Variants in MED13L observed in about 807,000 individuals in gnomAD.
MED13L encodes the protein mediator of RNA polymerase II transcription subunit 13-like.
In MED13L, 7 loss-of-function variants were observed where a neutral mutation model predicts 220.9. The ratio of observed to expected loss-of-function variants is 0.03; its 90% CI spans 0.02 to 0.06. MED13L has a LOEUF of 0.06. Ranked by LOEUF, MED13L falls within the 10% of genes least tolerant of loss-of-function variation. The pLI is 1.00. For synonymous variants in MED13L, 1,011 were observed against 1,015.2 expected (o/e 1.00, Z 0.08); for missense variants, 1,965 against 2,760.5 (o/e 0.71, Z 6.46).
chr12:116,161,582 T>G (rs1878857892), intron 2 of MED13L, among the ~76,000 whole-genome samples: 1 of 152,012 alleles, frequency 6.6e-6, no homozygotes, highest in South Asian at 2.1e-4. Context: ...ACAAGGCCTC[T>G]CCCCGTCAAA....
chr12:116,155,491 G>T (rs1878358736), intron 2 of MED13L, among the ~76,000 whole-genome samples: 2 of 152,120 alleles, frequency 1.3e-5, no homozygotes, highest in South Asian at 4.1e-4. Context: ...TCAATTAAAT[G>T]TAACGATGAA....
chr12:116,152,946 A>AG (rs1878161550), intron 2 of MED13L, among the ~76,000 whole-genome samples: 1 of 151,994 alleles, frequency 6.6e-6, no homozygotes, highest in Admixed American at 6.6e-5. Context: ...TAAAAAGAGC[A>AG]GGAAAAAAAA....
At chr12:116,262,697 A>G (rs1372651766) in intron 1 of MED13L, among the ~76,000 whole-genome samples, 1 of 152,180 alleles carries the variant, frequency 6.6e-6, no homozygotes, top group African/African-American at 2.4e-5. Flanking sequence ...AATTTATACA[A>G]TTTACTAAAG....
chr12:116,248,336 GCAA>G (rs1217597169), intron 1 of MED13L, among the ~76,000 whole-genome samples: 6 of 152,082 alleles, frequency 3.9e-5, no homozygotes, highest in Admixed American at 1.3e-4. Context: ...GATGATTAAA[GCAA>G]CAACAACAGT....
chr12:116,009,506 C>T (rs1055681032), intron 9 of MED13L, among the ~76,000 whole-genome samples: 3 of 152,072 alleles, frequency 2.0e-5, no homozygotes, highest in African/African-American at 7.2e-5. Flanking sequence ...AACAAAGCTT[C>T]CAATTTCTAT....
At chr12:116,023,642 C>CAT (rs1231819766) in intron 4 of MED13L, among the ~76,000 whole-genome samples, 1 of 152,050 alleles carries the variant, frequency 6.6e-6, no homozygotes, top group East Asian at 1.9e-4. Context: ...CATAGTGACA[C>CAT]ATATATATTC....
chr12:115,967,241 A>G (rs1876244835), intron 28 of MED13L, among the ~76,000 whole-genome samples: 1 of 151,752 alleles, frequency 6.6e-6, no homozygotes, highest in Non-Finnish European at 1.5e-5. Context: ...ACTACATCAA[A>G]CTGTATCAAT....
chr12:116,151,842 A>G (rs1878064519), intron 2 of MED13L, among the ~76,000 whole-genome samples: 1 of 152,184 alleles, frequency 6.6e-6, no homozygotes, highest in Non-Finnish European at 1.5e-5. Context: ...AAGGACATTC[A>G]GAGACATCGA....
chr12:116,087,581 A>G (rs1326032869), intron 4 of MED13L, among the ~76,000 whole-genome samples: 1 of 152,170 alleles, frequency 6.6e-6, no homozygotes, highest in Non-Finnish European at 1.5e-5. Context: ...AAAGGACCCC[A>G]TTTACTAACA....
chr12:116,112,051 T>C (rs552370137), intron 2 of MED13L, among the ~76,000 whole-genome samples: 1 of 152,298 alleles, frequency 6.6e-6, no homozygotes, highest in South Asian at 2.1e-4. Flanking sequence ...ATCAAATTTA[T>C]TTCCTGAATT....
chr12:116,134,952 G>A (rs1429591507), intron 2 of MED13L, among the ~76,000 whole-genome samples: 4 of 152,112 alleles, frequency 2.6e-5, no homozygotes, highest in South Asian at 2.1e-4. Flanking sequence ...GGCGGATCAC[G>A]AGGTCAGGAG....
chr12:116,132,940 G>C (rs1006344038), intron 2 of MED13L, among the ~76,000 whole-genome samples: 19 of 152,060 alleles, frequency 1.2e-4, no homozygotes, highest in Non-Finnish European at 4.4e-5. Flanking sequence ...AGGCGAAGGG[G>C]AGGAAAGGAA....
chr12:115,969,365 T>C (rs906546636), intron 27 of MED13L, among the ~76,000 whole-genome samples: 1 of 152,188 alleles, frequency 6.6e-6, no homozygotes, highest in Non-Finnish European at 1.5e-5. Flanking sequence ...ACACTCTGCA[T>C]AGCCTCCAAA....
chr12:116,115,858 C>T (rs368490141), intron 2 of MED13L, among the ~76,000 whole-genome samples: 9 of 152,224 alleles, frequency 5.9e-5, no homozygotes, highest in African/African-American at 1.9e-4. Flanking sequence ...GACAATTCTA[C>T]GTGCTGATTA....
chr12:116,048,783 T>C (rs1241573157), intron 4 of MED13L, among the ~76,000 whole-genome samples: 1 of 152,206 alleles, frequency 6.6e-6, no homozygotes, highest in Non-Finnish European at 1.5e-5. Flanking sequence ...AGGCAGTGCC[T>C]AAGTTACAGA....
intron 15 of MED13L, 77 bp downstream of exon 15, chr12:115,996,933 T>C (rs924153090): frequency 7.0e-5 from 101 of 1,433,176 alleles, no homozygotes; most frequent in Non-Finnish European, 8.3e-5. Flanking sequence ...ACACAGACAA[T>C]ACCATTTTAA....
chr12:116,040,090 C>T (rs1487356576), intron 4 of MED13L, among the ~76,000 whole-genome samples: 1 of 152,134 alleles, frequency 6.6e-6, no homozygotes, highest in Non-Finnish European at 1.5e-5. Flanking sequence ...ATGCATAGCT[C>T]TCAGTGATAT....
intron 4 of MED13L, among the ~76,000 whole-genome samples, chr12:116,076,297 G>C (rs1167588398): frequency 6.6e-6 from 1 of 152,146 alleles, no homozygotes; most frequent in Non-Finnish European, 1.5e-5. Flanking sequence ...AGCACATTGG[G>C]AGGCTGATAA....
At chr12:116,108,402 C>A (rs1038166411) in intron 3 of MED13L, among the ~76,000 whole-genome samples, 2 of 15,868 alleles carry the variant, frequency 1.3e-4, no homozygotes, top group Admixed American at 7.5e-4. Context: ...GGGGGGGGGG[C>A]GCGTGGGGGG....
Sources: allele counts gnomAD v4.1 joint callset (sites outside exome capture counted in the v4.1 genomes callset), GRCh38; gene constraint gnomAD v4.1.1; transcripts MANE v1.5; gene names NCBI Gene and HGNC (gene_info 2026-07-23, HGNC 2026-07-21).